ZNF75D: variants seen among roughly 807,000 people sequenced by gnomAD.
ZNF75D encodes zinc finger protein 75.
In ZNF75D, 33 loss-of-function variants were observed where a neutral mutation model predicts 33.3. The observed-to-expected ratio is 0.99, with a 90% CI of 0.75 to 1.32. The LOEUF is 1.32. Ranked by LOEUF, ZNF75D falls within the 40% of genes most tolerant of loss-of-function variation. The pLI is 0.00. For missense variants in ZNF75D, 338 were observed against 367.5 expected (o/e 0.92, Z 0.66); for synonymous variants, 113 against 130.6 (o/e 0.87, Z 0.92).
intron 1 of ZNF75D, among the ~76,000 whole-genome samples, chrX:135,321,884 C>T (rs1489008853): frequency 8.9e-6 from 1 of 112,059 alleles, no homozygotes; most frequent in African/African-American, 3.2e-5. Context: ...AGTCTCTATG[C>T]AGGAGCCAGA....
At chrX:135,324,721 C>T (rs1404224269) in intron 1 of ZNF75D, among the ~76,000 whole-genome samples, 1 of 112,390 alleles carries the variant, frequency 8.9e-6, no homozygotes, top group African/African-American at 3.2e-5. Flanking sequence ...AGCAGGGCTT[C>T]AGGCCCAGAT....
intron 1 of ZNF75D, among the ~76,000 whole-genome samples, chrX:135,258,556 C>A (rs1044163519): frequency 9.0e-6 from 1 of 110,517 alleles, no homozygotes; most frequent in African/African-American, 3.4e-5. Flanking sequence ...TGATGAGGAG[C>A]TTTTTTTCAT....
chrX:135,321,340 T>C (rs781829857), intron 1 of ZNF75D, among the ~76,000 whole-genome samples: 2 of 112,478 alleles, frequency 1.8e-5, no homozygotes, highest in Non-Finnish European at 3.8e-5. Context: ...ATTCAAATTA[T>C]AGCAAGGTTT....
intron 1 of ZNF75D, among the ~76,000 whole-genome samples, chrX:135,262,903 G>C (rs923509790): frequency 2.7e-5 from 3 of 112,607 alleles, no homozygotes; most frequent in African/African-American, 9.7e-5. Flanking sequence ...CAACTTTTCT[G>C]CTCTGCTTTC....
At chrX:135,293,426 C>T (rs1556421795) in intron 3 of ZNF75D, among the ~76,000 whole-genome samples, 1 of 111,578 alleles carries the variant, frequency 9.0e-6, no homozygotes, top group African/African-American at 3.3e-5. Context: ...CCCTTTATTT[C>T]TCTTTTTCTA....
intron 1 of ZNF75D, among the ~76,000 whole-genome samples, chrX:135,320,247 C>T (rs1271523648): frequency 1.9e-5 from 2 of 107,129 alleles, no homozygotes; most frequent in African/African-American, 6.9e-5. Flanking sequence ...GAGCCAAGAT[C>T]GTGCCACTTC....
At position 135,287,565 on chromosome X, in the gene ZNF75D, C is replaced by A. The variant is rs1556419972; in HGVS notation, c.1105G>T (p.Glu369Ter). Residue 369 changes from glutamate (E) to a stop codon, truncating the protein, a stop_gained, in exon 7 of 7, where the codon GAA becomes TAA. Transcript: ENST00000370766. LOFTEE classifies it high-confidence loss of function. ...PTGEKPFKCQ[E>*]CGKSFRVSSD... ...CTAACTCTGAAGCTTTTCCCACATT[C>A]CTGACACTTAAAAGGTTTCTCCCCT... 3 of 1,211,836 alleles carry A rather than the reference C, an allele frequency of 2.5e-6. No homozygotes were observed. The highest frequency in any genetic ancestry group is 3.4e-6 in the Non-Finnish European group (3 of 895,498).
intron 1 of ZNF75D, among the ~76,000 whole-genome samples, chrX:135,258,525 T>G (rs2083820798): frequency 8.9e-6 from 1 of 111,802 alleles, no homozygotes; most frequent in South Asian, 3.8e-4. Context: ...TGGTTTTGAT[T>G]TGCATTTCTC....
intron 1 of ZNF75D, among the ~76,000 whole-genome samples, chrX:135,271,601 A>G (rs2083883238): frequency 8.9e-6 from 1 of 112,174 alleles, no homozygotes; most frequent in African/African-American, 3.2e-5. Context: ...TGATCTCAGC[A>G]TTCTTTCACG....
At position 135,342,535 on chromosome X, in the gene ZNF75D, T is replaced by C. The variant is rs933753224; in HGVS notation, c.-1158A>G. 1.8e-5 allele frequency: 2 copies of C among 111,604 alleles called. No individual in the cohort carries two copies. The highest frequency in any genetic ancestry group is 6.5e-5 in the African/African-American group (2 of 30,562). The allele number at this position is 111,604 out of a possible 1,213,427, so 9.2% of individuals were successfully genotyped here. Reference sequence around the variant, plus strand: ...GTGGAGGGTGTGGGGAGAAAGCCCATTTCAGTACACACATGTCCCCCATAG... The same window carrying C: ...GTGGAGGGTGTGGGGAGAAAGCCCACTTCAGTACACACATGTCCCCCATAG... On this transcript the variant is annotated 5_prime_UTR_variant, in exon 1 of 7. The change abolishes an upstream ATG in the 5' untranslated region. Transcript: ENST00000370766.
chrX:135,257,011 G>A (rs140201606), intron 1 of ZNF75D, among the ~76,000 whole-genome samples: 1,171 of 111,693 alleles, frequency 0.01, 13 homozygotes, highest in African/African-American at 0.036. Flanking sequence ...GAGCCCTTGG[G>A]CACTGAATAA....
chrX:135,313,543 C>T (rs781798151), intron 1 of ZNF75D, among the ~76,000 whole-genome samples: 14 of 110,643 alleles, frequency 1.3e-4, no homozygotes, highest in Admixed American at 3.8e-4. Context: ...ATGGCATTAG[C>T]GTTTTGAATC....
At chrX:135,288,612 C>G (rs781869093) in intron 6 of ZNF75D, among the ~76,000 whole-genome samples, 1 of 112,203 alleles carries the variant, frequency 8.9e-6, no homozygotes, top group Non-Finnish European at 1.9e-5. Context: ...ATTTAAGTAT[C>G]GAGATGTTCA....
intron 1 of ZNF75D, among the ~76,000 whole-genome samples, chrX:135,296,268 A>T (rs2084129186): frequency 9.0e-6 from 1 of 111,335 alleles, no homozygotes; most frequent in Non-Finnish European, 1.9e-5. Context: ...AGCCTAGAGG[A>T]GCCCCTCAAA....
At position 135,287,827 on chromosome X, in the gene ZNF75D, G is replaced by A. The variant is rs782118112; in HGVS notation, c.843C>T (p.Asp281=). 5 of 1,204,870 alleles carry A rather than the reference G, an allele frequency of 4.1e-6. No individual in the cohort carries two copies. In the East Asian group the frequency reaches 1.5e-4, roughly 36 times the overall value. Residue 281 remains aspartate (D), a synonymous_variant, in exon 7 of 7, where the codon GAC becomes GAT. Transcript: ENST00000370766. ...VISLGLKLKN[D]TGNDHPISVS... ...CAGATATAGGATGATCATTTCCAGT[G>A]TCATTTTTTAGCTTTAACCCTGTTA...
At chrX:135,310,278 T>A (rs1363242579) in intron 1 of ZNF75D, among the ~76,000 whole-genome samples, 1 of 111,476 alleles carries the variant, frequency 9.0e-6, no homozygotes, top group African/African-American at 3.3e-5. Flanking sequence ...ATAATTAATT[T>A]TCCTGAAGTG....
intron 1 of ZNF75D, among the ~76,000 whole-genome samples, chrX:135,340,439 T>G (rs143918029): frequency 8.9e-4 from 100 of 112,539 alleles, no homozygotes; most frequent in Non-Finnish European, 1.8e-3. Context: ...TTTCTGAATT[T>G]TTAAAGCCTG....
chrX:135,320,613 T>C (rs1218438895), intron 1 of ZNF75D, among the ~76,000 whole-genome samples: 9 of 111,871 alleles, frequency 8.0e-5, no homozygotes, highest in Admixed American at 6.6e-4. Flanking sequence ...TGTTTATCCA[T>C]ATTAGGTAAC....
intron 1 of ZNF75D, among the ~76,000 whole-genome samples, chrX:135,318,085 A>AT (rs1414139757): frequency 6.2e-5 from 6 of 97,326 alleles, no homozygotes; most frequent in African/African-American, 1.9e-4. Context: ...ATATATATAT[A>AT]TATTTTTTTT....
Sources: allele counts gnomAD v4.1 joint callset (sites outside exome capture counted in the v4.1 genomes callset), GRCh38; gene constraint gnomAD v4.1.1; transcripts MANE v1.5; gene names NCBI Gene and HGNC (gene_info 2026-07-23, HGNC 2026-07-21).